Variants in SEMA3C observed in about 807,000 individuals in gnomAD.
The protein encoded by SEMA3C is semaphorin 3C.
In SEMA3C, 47 loss-of-function variants were observed where a neutral mutation model predicts 89.4. That is an observed-to-expected ratio of 0.53 (90% CI 0.42 to 0.67). SEMA3C has a LOEUF of 0.67. Among genes scored for constraint, SEMA3C ranks in the 30% least tolerant of loss-of-function variants. The pLI, the probability that SEMA3C is intolerant of heterozygous loss-of-function variation, is 0.00. For synonymous variants in SEMA3C, 310 were observed against 320.2 expected (o/e 0.97, Z 0.34); for missense variants, 839 against 929.1 (o/e 0.90, Z 1.26).
intron 2 of SEMA3C, among the ~76,000 whole-genome samples, chr7:80,872,298 G>A (rs969102376): frequency 6.6e-5 from 10 of 151,734 alleles, no homozygotes; most frequent in Non-Finnish European, 7.4e-5. Context: ...CTACAGGCAC[G>A]CACCACCGTG....
intron 12 of SEMA3C, among the ~76,000 whole-genome samples, chr7:80,773,513 G>A (rs147612844): frequency 3.9e-5 from 6 of 152,230 alleles, no homozygotes; most frequent in Non-Finnish European, 7.4e-5. Context: ...TGGACAAAAT[G>A]TATGAGGCCA....
At chr7:80,858,967 A>G (rs1433985113) in intron 2 of SEMA3C, among the ~76,000 whole-genome samples, 1 of 152,168 alleles carries the variant, frequency 6.6e-6, no homozygotes, top group African/African-American at 2.4e-5. Context: ...TCTTTATTAT[A>G]ACACTCAGAC....
chr7:80,819,218 A>G (rs1789686391), intron 4 of SEMA3C, among the ~76,000 whole-genome samples: 1 of 152,150 alleles, frequency 6.6e-6, no homozygotes, highest in South Asian at 2.1e-4. Context: ...ACGTGTTTCC[A>G]GAAATATTAA....
At chr7:80,919,317 G>A, upstream of SEMA3C, 1 of 985,294 alleles carries the variant, frequency 1.0e-6, no homozygotes, top group Non-Finnish European at 1.2e-6. Flanking sequence ...GCAGGCTGGA[G>A]CCCTAGCTCC....
intron 2 of SEMA3C, among the ~76,000 whole-genome samples, chr7:80,831,823 C>T (rs189430215): frequency 3.9e-5 from 6 of 152,136 alleles, no homozygotes; most frequent in South Asian, 2.1e-4. Context: ...GAAAGATTGG[C>T]GTAAATTCCC....
In SEMA3C at chr7:80,793,880, G is replaced by A. The variant is rs1789001430; in HGVS notation, c.1131+4212C>T. On this transcript the variant is annotated intron_variant, in intron 11 of 17. Coordinates refer to ENST00000265361, the MANE Select transcript of SEMA3C (RefSeq NM_006379.5). Reference sequence around the variant, plus strand: ...GATCTTAACCTAACACGTGGGGGATGAGTGGTATATAGATAAATAAAGGGT... The same window carrying A: ...GATCTTAACCTAACACGTGGGGGATAAGTGGTATATAGATAAATAAAGGGT... Among the ~76,000 whole-genome samples the A allele has an allele frequency of 1.6e-5, 2 of 124,394 alleles. 1 individual carries two copies. Among genetic ancestry groups the A allele is most frequent in the African/African-American group, 5.5e-5 (2 of 36,328 alleles). 81.6% of individuals were successfully genotyped at this position (124,394 alleles called of 152,430 possible).
intron 2 of SEMA3C, among the ~76,000 whole-genome samples, chr7:80,873,268 C>G (rs1791114884): frequency 6.6e-6 from 1 of 152,200 alleles, no homozygotes; most frequent in Admixed American, 6.5e-5. Flanking sequence ...GGTTGCAGAG[C>G]AGGCACAGCC....
intron 5 of SEMA3C, among the ~76,000 whole-genome samples, chr7:80,813,811 A>C (rs1422010515): frequency 1.3e-5 from 2 of 152,148 alleles, no homozygotes; most frequent in Non-Finnish European, 2.9e-5. Context: ...GTACATCCTC[A>C]CCACCATTTT....
intron 9 of SEMA3C, among the ~76,000 whole-genome samples, chr7:80,801,524 C>T (rs1280505128): frequency 6.6e-6 from 1 of 151,748 alleles, no homozygotes; most frequent in African/African-American, 2.4e-5. Context: ...TAATCAATTG[C>T]CATGATTATA....
chr7:80,783,743 C>A (rs1788741058), intron 12 of SEMA3C, among the ~76,000 whole-genome samples: 1 of 152,176 alleles, frequency 6.6e-6, no homozygotes, highest in Non-Finnish European at 1.5e-5. Flanking sequence ...AGGCAGTTAT[C>A]CTCTAATGCT....
intron 2 of SEMA3C, among the ~76,000 whole-genome samples, chr7:80,851,133 C>T (rs377583409): frequency 6.6e-6 from 1 of 152,274 alleles, no homozygotes; most frequent in East Asian, 1.9e-4. Flanking sequence ...CCATTTAGGG[C>T]TCACCCAGAT....
chr7:80,750,153 C>T (rs1433607550), intron 16 of SEMA3C, among the ~76,000 whole-genome samples: 1 of 151,920 alleles, frequency 6.6e-6, no homozygotes, highest in African/African-American at 2.4e-5. Flanking sequence ...TGAAACAGCA[C>T]ACCTGTAGCA....
chr7:80,916,795 C>T lies in SEMA3C; in HGVS notation c.-14G>A. On this transcript the variant is annotated 5_prime_UTR_variant, in exon 2 of 18. Transcript: ENST00000265361. Reference sequence around the variant, plus strand: ...CCGGAATGCCATTTCTTCAGATATGCAAGTTAATATCCAAGGGAAAATACC... The same window carrying T: ...CCGGAATGCCATTTCTTCAGATATGTAAGTTAATATCCAAGGGAAAATACC... 1 of 1,612,860 alleles carries T rather than the reference C, an allele frequency of 6.2e-7. No homozygotes were observed. Among genetic ancestry groups the T allele is most frequent in the Non-Finnish European group, 8.5e-7 (1 of 1,179,402 alleles).
intron 11 of SEMA3C, chr7:80,796,729 T>C (rs973036301): frequency 2.6e-5 from 4 of 152,214 alleles, no homozygotes; most frequent in East Asian, 3.8e-4. Context: ...AATCTTTTTA[T>C]GAATAAGAAG....
At chr7:80,761,795 A>G in intron 13 of SEMA3C, 138 bp from the exon 14 acceptor site, 1 of 529,852 alleles carries the variant, frequency 1.9e-6, no homozygotes, top group Non-Finnish European at 3.4e-6. Flanking sequence ...TACTTGTTAT[A>G]TAAAATACAT....
At chr7:80,903,378 G>C (rs1051736048) in intron 2 of SEMA3C, among the ~76,000 whole-genome samples, 2 of 151,948 alleles carry the variant, frequency 1.3e-5, no homozygotes, top group Non-Finnish European at 2.9e-5. Context: ...TAATCTTATG[G>C]GGCCAGGCAC....
chr7:80,750,449 TATATATATATATATATATATATATAC>T (rs1267789355), intron 16 of SEMA3C, among the ~76,000 whole-genome samples: 4 of 53,056 alleles, frequency 7.5e-5, no homozygotes, highest in East Asian at 5.0e-4. Context: ...TATATATATA[TATATATATATATATATATATATATAC>T]ACACACACAC....
rs116113555 is a variant in SEMA3C at position 80,871,418 on chromosome 7, C to A, written c.104-42673G>T. 2.0e-3 allele frequency among the ~76,000 whole-genome samples: 297 copies of A among 152,204 alleles called. 1 individual carries two copies. The highest frequency in any genetic ancestry group is 6.9e-3 in the African/African-American group (285 of 41,544). The stretch of plus-strand genomic sequence containing the variant: ...AAAGCTTCCTATAAAGCTAGCTCAA[C>A]CCTATCCTTCTAAATATAACTCCCA... On this transcript the variant is annotated intron_variant, in intron 2 of 17. Transcript: ENST00000265361.
At chr7:80,832,449 T>C (rs1407528785) in intron 2 of SEMA3C, among the ~76,000 whole-genome samples, 2 of 152,188 alleles carry the variant, frequency 1.3e-5, no homozygotes, top group African/African-American at 4.8e-5. Flanking sequence ...ACTATTCTTT[T>C]CTTCCACCTT....
Sources: allele counts gnomAD v4.1 joint callset (sites outside exome capture counted in the v4.1 genomes callset), GRCh38; gene constraint gnomAD v4.1.1; transcripts MANE v1.5; gene names NCBI Gene and HGNC (gene_info 2026-07-23, HGNC 2026-07-21).